The following STRIP1 variants were observed in gnomAD, a reference collection of about 807,000 sequenced individuals.
STRIP1 encodes striatin-interacting protein 1.
STRIP1 carries 63 observed loss-of-function variants against 106.2 expected under a neutral mutation model. The ratio of observed to expected loss-of-function variants is 0.59; its 90% CI spans 0.48 to 0.73. The LOEUF (loss-of-function observed/expected upper bound fraction) is 0.73. Ranked by LOEUF, STRIP1 falls within the 30% of genes least tolerant of loss-of-function variation. STRIP1 has a pLI of 0.00. For synonymous variants in STRIP1, 390 were observed against 413.0 expected (o/e 0.94, Z 0.67); for missense variants, 857 against 1,074.8 (o/e 0.80, Z 2.83).
intron 20 of STRIP1, 108 bp from the exon 21 acceptor site, chr1:110,053,557 C>T (rs1295335714): frequency 9.6e-6 from 14 of 1,459,794 alleles, no homozygotes; most frequent in Middle Eastern, 3.7e-4. Context: ...AGGATGAGCT[C>T]GGAGGTATCC....
rs772941274 is a variant in STRIP1 at position 110,043,168 on chromosome 1, G to A, written c.966G>A (p.Glu322=). 2 of 1,614,052 alleles carry A rather than the reference G, an allele frequency of 1.2e-6. No homozygotes were observed. The highest frequency in any genetic ancestry group is 3.3e-5 in the Admixed American group (2 of 60,026). The stretch of plus-strand genomic sequence containing the variant: ...TCCTGGGCCTCCCCCCGCTTCCTGA[G>A]GACAGCATCAAAGTGATTCGCAACA... The part of the protein sequence containing the change: ...RSILGLPPLP[E]DSIKVIRNMR... The change falls in exon 9 of 21, where the codon GAG becomes GAA. Residue 322 remains glutamate, a synonymous_variant. Transcript: ENST00000369795.
At position 110,041,517 on chromosome 1, in the gene STRIP1, A is replaced by T. The variant is rs1207487305; in HGVS notation, c.651-19A>T. ...GACCCCCCCATCCCACTCCATTGTGAGCTGGCTCTTGTCCTCAGGGTCCTG... is the reference window on the plus strand; with the variant it reads ...GACCCCCCCATCCCACTCCATTGTGTGCTGGCTCTTGTCCTCAGGGTCCTG... On this transcript the variant is annotated intron_variant, in intron 6 of 20. Transcript: ENST00000369795. The T allele has an allele frequency of 1.9e-6, 3 of 1,601,766 alleles. No individual in the cohort carries two copies. Among genetic ancestry groups the T allele is most frequent in the Non-Finnish European group, 2.6e-6 (3 of 1,168,884 alleles).
intron 1 of STRIP1, among the ~76,000 whole-genome samples, chr1:110,036,274 C>T (rs60428529): frequency 0.035 from 5,391 of 152,186 alleles, 305 homozygotes; most frequent in African/African-American, 0.12. Flanking sequence ...CCAATGTGAT[C>T]AAACCCTGTC....
intron 15 of STRIP1, among the ~76,000 whole-genome samples, chr1:110,048,653 C>G (rs901481925): frequency 2.6e-5 from 4 of 152,204 alleles, no homozygotes; most frequent in Admixed American, 2.0e-4. Context: ...AGGAGGAATT[C>G]CTCTTACAAA....
intron 19 of STRIP1, 121 bp from the exon 20 acceptor site, chr1:110,051,562 G>A: frequency 1.0e-6 from 1 of 997,704 alleles, no homozygotes; most frequent in Non-Finnish European, 1.5e-6. Context: ...CAGTCCAAGG[G>A]AAACTGGGAT....
Position 110,041,536 on chromosome 1 carries a change from G to A in STRIP1, c.651G>A (p.Arg217=), listed in dbSNP as rs779302233. 1 of 1,613,398 alleles carries A rather than the reference G, an allele frequency of 6.2e-7. No individual in the cohort carries two copies. The highest frequency in any genetic ancestry group is 1.1e-5 in the South Asian group (1 of 91,038). The change falls in exon 7 of 21, where the codon AGG becomes AGA. Residue 217 remains arginine (R), a splice_region_variant and synonymous_variant. Transcript: ENST00000369795. The part of the protein sequence containing the change: ...AISLADSTDL[R]VLLNIMYLIV... ...ATTGTGAGCTGGCTCTTGTCCTCAG[G>A]GTCCTGCTCAACATCATGTACCTGA...
rs549048629 is a variant in STRIP1, at chr1:110,038,374, A to T, written c.251-309A>T. ...TGCTTCTCCAGCCTCTACAATACAC[A>T]TCCTGCTCAAGAGGTAGCAGCCATT... On this transcript the variant is annotated intron_variant, in intron 2 of 20. Transcript: ENST00000369795. 2.3e-5 allele frequency: 8 copies of T among 342,064 alleles called. No individual in the cohort carries two copies. In the East Asian group the frequency reaches 5.0e-4, roughly 21 times the overall value. The allele number at this position is 342,064 out of a possible 1,614,324, so 21.2% of individuals were successfully genotyped here. A position where few individuals can be genotyped will look rare whatever the true frequency, so the allele number is the denominator to read the frequency against.
At position 110,039,272 on chromosome 1, in the gene STRIP1, C is replaced by G. The variant is rs1382795921; in HGVS notation, c.426C>G (p.Leu142=). The G allele has an allele frequency of 1.2e-6, 2 of 1,614,142 alleles. No individual in the cohort carries two copies. Among genetic ancestry groups the G allele is most frequent in the Non-Finnish European group, 1.7e-6 (2 of 1,180,024 alleles). ...AAGTCACTGCCAGGGAGAAGAGACT[C>G]AAGGTGGCTCGAGCAATTCTCTATG... ...GLEVTAREKR[L]KVARAILYVA... Residue 142 remains leucine (L), a synonymous_variant, in exon 4 of 21, where the codon CTC becomes CTG. Transcript: ENST00000369795.
chr1:110,032,884 A>G (rs533977473), upstream of STRIP1, among the ~76,000 whole-genome samples: 39 of 152,198 alleles, frequency 2.6e-4, no homozygotes, highest in Non-Finnish European at 5.1e-4. Context: ...TGTAAACATC[A>G]CACCATAACA....
rs201321907 is a variant in STRIP1, at chr1:110,051,899, C to T, written c.2266+12C>T. 5.5e-5 allele frequency: 89 copies of T among 1,611,016 alleles called. No homozygotes were observed. Among genetic ancestry groups the T allele is most frequent in the Middle Eastern group, 2.2e-4 (1 of 4,520 alleles). On this transcript the variant is annotated intron_variant, in intron 20 of 20. Transcript: ENST00000369795. Reference sequence around the variant, plus strand: ...GGCATACGGCAATGGTGAGACTCTGCACTCAGCCAGATTTGGGTGGGAGTG... The same window carrying T: ...GGCATACGGCAATGGTGAGACTCTGTACTCAGCCAGATTTGGGTGGGAGTG...
At chr1:110,032,678 T>C (rs1448073364), upstream of STRIP1, among the ~76,000 whole-genome samples, 1 of 152,162 alleles carries the variant, frequency 6.6e-6, no homozygotes, top group Non-Finnish European at 1.5e-5. Flanking sequence ...AAGGGGGTCA[T>C]TGTTTATTTC....
At chr1:110,049,267 G>A (rs577532644) in intron 16 of STRIP1, 29 bp downstream of exon 16, 3 of 1,613,766 alleles carry the variant, frequency 1.9e-6, no homozygotes, top group East Asian at 2.2e-5. Flanking sequence ...CTCCTGTCCT[G>A]TGGGCTGGGG....
intron 3 of STRIP1, 97 bp from the exon 4 acceptor site, chr1:110,039,075 G>C (rs1652631491): frequency 7.2e-7 from 1 of 1,392,030 alleles, no homozygotes; most frequent in African/African-American, 1.4e-5. Flanking sequence ...TTATCTTTCT[G>C]GTCCTATGGC....
At chr1:110,038,548 A>T in intron 2 of STRIP1, 135 bp from the exon 3 acceptor site, 1 of 648,288 alleles carries the variant, frequency 1.5e-6, no homozygotes, top group South Asian at 1.9e-5. Flanking sequence ...ATAATTAGAG[A>T]GCTTATTCCA....
chr1:110,031,825 C>T (rs1652196944), upstream of STRIP1, among the ~76,000 whole-genome samples: 1 of 151,782 alleles, frequency 6.6e-6, no homozygotes, highest in African/African-American at 2.4e-5. Context: ...CCTTCTAGAT[C>T]TGTATATTCT....
At chr1:110,037,165 G>A (rs1339800533) in intron 1 of STRIP1, among the ~76,000 whole-genome samples, 5 of 152,090 alleles carry the variant, frequency 3.3e-5, no homozygotes, top group Non-Finnish European at 5.9e-5. Context: ...TTTTGTGGCT[G>A]GTCTTTGTCT....
intron 8 of STRIP1, 70 bp downstream of exon 8, chr1:110,041,931 C>A: frequency 6.8e-7 from 1 of 1,463,184 alleles, no homozygotes. Flanking sequence ...CCTTGAATAT[C>A]CTTTTGAATA....
At chr1:110,034,528 TG>T (rs2101760356), upstream of STRIP1, 18 of 1,337,942 alleles carry the variant, frequency 1.3e-5, no homozygotes, top group South Asian at 2.3e-4. Context: ...CTTCTAACAC[TG>T]GCCGCCACAC....
upstream of STRIP1, among the ~76,000 whole-genome samples, chr1:110,034,066 C>T (rs1413755050): frequency 1.3e-5 from 2 of 152,202 alleles, no homozygotes; most frequent in Admixed American, 1.3e-4. Flanking sequence ...TTAATTAGTG[C>T]CATGAACAAA....
Sources: allele counts gnomAD v4.1 joint callset (sites outside exome capture counted in the v4.1 genomes callset), GRCh38; gene constraint gnomAD v4.1.1; transcripts MANE v1.5; gene names NCBI Gene and HGNC (gene_info 2026-07-23, HGNC 2026-07-21).